MBOAT7: variants seen among roughly 807,000 people sequenced by gnomAD.
MBOAT7 encodes the protein membrane-bound acylglycerophosphatidylinositol O-acyltransferase MBOAT7.
Under a neutral mutation model 47.4 loss-of-function variants are expected in MBOAT7, and 40 were observed. That is an observed-to-expected ratio of 0.84 (90% CI 0.66 to 1.10). The LOEUF (loss-of-function observed/expected upper bound fraction) is 1.10. Among genes scored for constraint, MBOAT7 ranks in the 50% least tolerant of loss-of-function variants. The probability of loss-of-function intolerance (pLI) is 0.00; values close to 1 mark genes in which losing one functional copy is unlikely to be tolerated. For synonymous variants in MBOAT7, 361 were observed against 292.0 expected (o/e 1.24, Z -2.41); for missense variants, 680 against 655.6 (o/e 1.04, Z -0.41).
intron 7 of MBOAT7, among the ~76,000 whole-genome samples, chr19:54,177,239 AT>A (rs1291376755): frequency 1.3e-5 from 2 of 151,684 alleles, no homozygotes; most frequent in African/African-American, 2.4e-5. Flanking sequence ...CCCCTTCCAC[AT>A]TTATCTAATT....
At chr19:54,174,528 C>T in intron 7 of MBOAT7, 97 bp from the exon 8 acceptor site, 1 of 1,304,006 alleles carries the variant, frequency 7.7e-7, no homozygotes, top group Admixed American at 3.1e-5. Flanking sequence ...CCTCCTCCCT[C>T]AGACCGAGAA....
At chr19:54,179,603 C>A (rs1282990942) in intron 6 of MBOAT7, 1 of 152,484 alleles carries the variant, frequency 6.6e-6, no homozygotes, top group Non-Finnish European at 1.5e-5. Flanking sequence ...CCTTGGTGGC[C>A]TCTGATGACA....
chr19:54,185,462 C>T (rs937499555), intron 4 of MBOAT7, among the ~76,000 whole-genome samples: 1 of 152,102 alleles, frequency 6.6e-6, no homozygotes, highest in African/African-American at 2.4e-5. Context: ...AGGCACCATC[C>T]CTTCTTGCTC....
rs148708963 is a variant in MBOAT7 at position 54,174,066 on chromosome 19, G to A, written c.1397C>T (p.Pro466Leu). Reference protein sequence around the residue: ...KAASQPTSLAPEKLREE With the variant: ...KAASQPTSLALEKLREE The stretch of plus-strand genomic sequence containing the variant: ...AGCTTACTCCTCCCGGAGCTTCTCC[G>A]GGGCAAGGCTGGTGGGCTGGGATGC... The change falls in exon 8 of 8, where the codon CCG becomes CTG. Residue 466 changes from proline to leucine, a missense_variant. By Grantham distance (98) the Pro-to-Leu change is moderately conservative. Coordinates refer to ENST00000245615, the MANE Select transcript of MBOAT7 (RefSeq NM_024298.5). The A allele has an allele frequency of 7.6e-5, 122 of 1,601,478 alleles. No individual in the cohort carries two copies. Among genetic ancestry groups the A allele is most frequent in the Non-Finnish European group, 9.4e-5 (110 of 1,175,370 alleles).
At chr19:54,183,999 G>A (rs922221375) in intron 4 of MBOAT7, among the ~76,000 whole-genome samples, 2 of 151,956 alleles carry the variant, frequency 1.3e-5, no homozygotes, top group African/African-American at 2.4e-5. Context: ...ATTTATACTC[G>A]GATGTCTCCA....
At chr19:54,183,804 G>A (rs1004322466) in intron 4 of MBOAT7, 124 bp from the exon 5 acceptor site, 4 of 989,026 alleles carry the variant, frequency 4.0e-6, no homozygotes, top group African/African-American at 1.7e-5. Context: ...TGCCCATCTA[G>A]GTTGTGTGTA....
At chr19:54,188,051 AAGAAAGAAAG>A (rs1421083093) in intron 3 of MBOAT7, among the ~76,000 whole-genome samples, 156 bp downstream of exon 3, 2 of 51,314 alleles carry the variant, frequency 3.9e-5, no homozygotes, top group Non-Finnish European at 9.2e-5. Flanking sequence ...GAAAGAAAGA[AAGAAAGAAAG>A]AAAGAAAGAC....
chr19:54,180,386 T>G lies in MBOAT7; in HGVS notation c.854+387A>C. On this transcript the variant is annotated intron_variant, in intron 6 of 7. Coordinates refer to ENST00000245615, the MANE Select transcript of MBOAT7 (RefSeq NM_024298.5). The surrounding 1 kb of genome is among the most constrained non-coding windows in gnomAD (Gnocchi z 5.2). ...GTGGCGTTCTGTTGCTAGGGAACCGTTTCCCTAGCAACAGAGGGTGACCCA... is the reference window on the plus strand; with the variant it reads ...GTGGCGTTCTGTTGCTAGGGAACCGGTTCCCTAGCAACAGAGGGTGACCCA... 4 of 162,174 alleles carry G rather than the reference T, an allele frequency of 2.5e-5. No homozygotes were observed. Among genetic ancestry groups the G allele is most frequent in the Non-Finnish European group, 1.3e-5 (1 of 75,016 alleles). The allele number at this position is 162,174 out of a possible 1,614,324, so 10.0% of individuals were successfully genotyped here.
rs2075987683 is a variant in MBOAT7, at chr19:54,173,901, C to T, written c.*143G>A. 1 of 1,038,710 alleles carries T rather than the reference C, an allele frequency of 9.6e-7. No individual in the cohort carries two copies. The highest frequency in any genetic ancestry group is 2.9e-5 in the East Asian group (1 of 34,948). 64.3% of individuals were successfully genotyped at this position (1,038,710 alleles called of 1,614,324 possible). A position where few individuals can be genotyped will look rare whatever the true frequency, so the allele number is the denominator to read the frequency against. Reference sequence around the variant, plus strand: ...AGGGAGGACACCCCCGGGTCTGCTTCAGTTGCAGGCAGGGTATTTAGCTGG... The same window carrying T: ...AGGGAGGACACCCCCGGGTCTGCTTTAGTTGCAGGCAGGGTATTTAGCTGG... On this transcript the variant is annotated 3_prime_UTR_variant, in exon 8 of 8. Transcript: ENST00000245615.
chr19:54,180,109 TG>T lies in MBOAT7; in HGVS notation c.854+663del, dbSNP rs2146985340. On this transcript the variant is annotated intron_variant, in intron 6 of 7. Transcript: ENST00000245615. The surrounding 1 kb of genome is among the most constrained non-coding windows in gnomAD (Gnocchi z 5.2). Reference sequence around the variant, plus strand: ...GGAGGTTTGGCTTCCTTAGCAACAGTGTAACTGTAGTTGGTAGGAATGGCGT... The same window carrying T: ...GGAGGTTTGGCTTCCTTAGCAACAGTTAACTGTAGTTGGTAGGAATGGCGT... 6.6e-6 allele frequency: 1 copy of T among 152,162 alleles called. No homozygotes were observed. The highest frequency in any genetic ancestry group is 2.1e-4 in the South Asian group (1 of 4,820). The allele number at this position is 152,162 out of a possible 1,614,324, so 9.4% of individuals were successfully genotyped here. A position where few individuals can be genotyped will look rare whatever the true frequency, so the allele number is the denominator to read the frequency against.
chr19:54,174,309 C>T lies in MBOAT7; in HGVS notation c.1154G>A (p.Gly385Glu), dbSNP rs2076012121. ...CTTCTGGCCCCCTGGGCTCAGCCGC[C>T]CCCGCAGGGCTGACTCCAGCCGGCC... The part of the protein sequence containing the change: ...AEGRLESALR[G>E]RLSPGGQKAW... The change falls in exon 8 of 8, where the codon GGG becomes GAG. Residue 385 changes from glycine to glutamate, a missense_variant. Physicochemically the swap from Gly to Glu is moderately conservative, Grantham distance 98 (BLOSUM62 -2). Coordinates refer to ENST00000245615, the MANE Select transcript of MBOAT7 (RefSeq NM_024298.5). 1.9e-6 allele frequency: 3 copies of T among 1,613,176 alleles called. No homozygotes were observed. The African/African-American group carries it at 4.0e-5, about 22-fold the overall frequency.
Position 54,180,497 on chromosome 19 carries a change from A to G in MBOAT7, c.854+276T>C. On this transcript the variant is annotated intron_variant, in intron 6 of 7. Coordinates refer to ENST00000245615, the MANE Select transcript of MBOAT7 (RefSeq NM_024298.5). The surrounding 1 kb of genome is among the most constrained non-coding windows in gnomAD (Gnocchi z 5.2). ...TTCTGTGGCAACAGAGGGGTGGCAC[A>G]GGGTTGCTAAGTTACCACCTTTTCC... The G allele has an allele frequency of 2.4e-6, 1 of 410,900 alleles. No homozygotes were observed. The highest frequency in any genetic ancestry group is 4.3e-6 in the Non-Finnish European group (1 of 230,656). The allele number at this position is 410,900 out of a possible 1,614,324, so 25.5% of individuals were successfully genotyped here.
At chr19:54,184,263 C>T (rs148246761) in intron 4 of MBOAT7, among the ~76,000 whole-genome samples, 3,606 of 150,176 alleles carry the variant, frequency 0.024, 76 homozygotes, top group Non-Finnish European at 0.036. Flanking sequence ...CCTGGGGGCG[C>T]AAGCAATTCT....
At position 54,174,444 on chromosome 19, in the gene MBOAT7, C is replaced by G; in HGVS notation, c.1032-13G>C. The G allele has an allele frequency of 6.6e-7, 1 of 1,525,142 alleles. No individual in the cohort carries two copies. The highest frequency in any genetic ancestry group is 1.3e-5 in the South Asian group (1 of 79,090). The allele number at this position is 1,525,142 out of a possible 1,614,324, so 94.5% of individuals were successfully genotyped here. On this transcript the variant is annotated splice_polypyrimidine_tract_variant and intron_variant, in intron 7 of 7. Transcript: ENST00000245615. ...GGTCCAGGCGCTCCTGAGGAGGAGG[C>G]TGGGAGTCAGGACCTACGAGTCCAG... is the stretch of plus-strand genomic sequence containing the variant.
intron 4 of MBOAT7, among the ~76,000 whole-genome samples, chr19:54,184,165 T>A (rs73936632): frequency 8.3e-6 from 1 of 120,554 alleles, no homozygotes; most frequent in African/African-American, 3.3e-5. Flanking sequence ...CTCTCTCTTT[T>A]TTTTTTTTTT....
intron 7 of MBOAT7, among the ~76,000 whole-genome samples, chr19:54,175,254 A>G (rs2076074576): frequency 6.6e-6 from 1 of 152,192 alleles, no homozygotes; most frequent in African/African-American, 2.4e-5. Flanking sequence ...CTGGGATCAC[A>G]GGTGTCAGAC....
chr19:54,186,317 A>G (rs1268258872), intron 4 of MBOAT7, among the ~76,000 whole-genome samples: 1 of 152,168 alleles, frequency 6.6e-6, no homozygotes, highest in Non-Finnish European at 1.5e-5. Context: ...GCCCAGCCAG[A>G]ACGAGTATTT....
chr19:54,188,002 C>G (rs1437004415), intron 3 of MBOAT7, among the ~76,000 whole-genome samples: 1 of 129,758 alleles, frequency 7.7e-6, no homozygotes, highest in Non-Finnish European at 1.5e-5. Context: ...GCAACAGGAG[C>G]GAAACTCCAT....
chr19:54,184,152 TC>T (rs2076363463), intron 4 of MBOAT7, among the ~76,000 whole-genome samples: 1 of 95,028 alleles, frequency 1.1e-5, no homozygotes, highest in South Asian at 3.6e-4. Context: ...GATCCTTTAA[TC>T]TCTCTCTCTT....
Sources: allele counts gnomAD v4.1 joint callset (sites outside exome capture counted in the v4.1 genomes callset), GRCh38; gene constraint gnomAD v4.1.1; non-coding constraint Gnocchi (gnomAD v3.1); transcripts MANE v1.5; gene names NCBI Gene and HGNC (gene_info 2026-07-23, HGNC 2026-07-21).